The following DSCAM variants were observed in gnomAD, a reference collection of about 807,000 sequenced individuals.
DSCAM encodes DS cell adhesion molecule.
DSCAM carries 47 observed loss-of-function variants against 217.7 expected under a neutral mutation model. That is an observed-to-expected ratio of 0.22 (90% confidence interval 0.17 to 0.28). DSCAM has a LOEUF of 0.28. Ranked by LOEUF, DSCAM falls within the 10% of genes least tolerant of loss-of-function variation. DSCAM has a pLI of 1.00. For missense variants in DSCAM, 2,080 were observed against 2,618.3 expected, an observed-to-expected ratio of 0.79 and a Z score of 4.49; for synonymous variants, 1,056 against 1,015.3, an observed-to-expected ratio of 1.04 and a Z score of -0.76.
intron 3 of DSCAM, among the ~76,000 whole-genome samples, chr21:40,597,759 G>A (rs551657830): frequency 3.0e-4 from 46 of 151,980 alleles, no homozygotes; most frequent in Non-Finnish European, 6.2e-4. Context: ...TGATCCATCC[G>A]CCTCAGTCTC....
At chr21:40,407,994 A>G (rs1357997341) in intron 3 of DSCAM, among the ~76,000 whole-genome samples, 2 of 152,180 alleles carry the variant, frequency 1.3e-5, no homozygotes, top group Non-Finnish European at 2.9e-5. Context: ...TTAGCTCTTT[A>G]TAAGGCTCGC....
Position 40,639,943 on chromosome 21 carries a change from A to G in DSCAM, c.508+52867T>C, listed in dbSNP as rs1480434435. 6.6e-5 allele frequency among the ~76,000 whole-genome samples: 10 copies of G among 152,190 alleles called. No individual in the cohort carries two copies. In the East Asian group the frequency reaches 9.6e-4, roughly 15 times the overall value. ...CCATGCCTTGTTCTACACGGGCTCC[A>G]TATCGATTCATGGAAGTGCCATGTG... On this transcript the variant is annotated intron_variant, in intron 3 of 32. Transcript: ENST00000400454.
At chr21:40,670,924 CT>C (rs1393259857) in intron 3 of DSCAM, among the ~76,000 whole-genome samples, 1 of 152,188 alleles carries the variant, frequency 6.6e-6, no homozygotes. Flanking sequence ...GCCAAATGTA[CT>C]TTTGTCATAT....
At chr21:40,699,648 A>C (rs983779954) in intron 2 of DSCAM, among the ~76,000 whole-genome samples, 4 of 152,212 alleles carry the variant, frequency 2.6e-5, no homozygotes, top group African/African-American at 9.6e-5. Flanking sequence ...AGAGATGATT[A>C]AACTAGCCAC....
At chr21:40,835,456 A>G (rs900449062) in intron 1 of DSCAM, among the ~76,000 whole-genome samples, 2 of 152,186 alleles carry the variant, frequency 1.3e-5, no homozygotes, top group African/African-American at 4.8e-5. Context: ...ATAGGAAACT[A>G]TTATTGTAAA....
intron 11 of DSCAM, among the ~76,000 whole-genome samples, chr21:40,208,235 C>T (rs2146873017): frequency 6.6e-6 from 1 of 152,046 alleles, no homozygotes; most frequent in East Asian, 1.9e-4. Flanking sequence ...GGTGGATCAC[C>T]TGAGGTCAAG....
At position 40,200,600 on chromosome 21, in the gene DSCAM, G is replaced by A. The variant is rs149535577; in HGVS notation, c.2357-11362C>T. Among the ~76,000 whole-genome samples the A allele has an allele frequency of 3.9e-3, 595 of 152,282 alleles. 14 individuals carry two copies. Among genetic ancestry groups the A allele is most frequent in the Admixed American group, 0.037 (562 of 15,280 alleles). On this transcript the variant is annotated intron_variant, in intron 11 of 32. Transcript: ENST00000400454. ...CACCTTTTGGCTATTGTGAACACTG[G>A]TGTACAAAACATTATTTTTTAGAGT...
chr21:40,618,675 A>AAAG (rs1555871745), intron 3 of DSCAM: 1 of 151,588 alleles, frequency 6.6e-6, no homozygotes, highest in South Asian at 2.1e-4. Context: ...AAAAAAAAAA[A>AAAG]GTGGAGAAAC....
chr21:40,533,310 T>C (rs1478824398), intron 3 of DSCAM, among the ~76,000 whole-genome samples: 1 of 152,248 alleles, frequency 6.6e-6, no homozygotes, highest in African/African-American at 2.4e-5. Context: ...ACAAAATATT[T>C]TGCATATTCC....
chr21:40,133,464 G>C (rs2146689642), intron 19 of DSCAM, among the ~76,000 whole-genome samples: 1 of 152,290 alleles, frequency 6.6e-6, no homozygotes, highest in Middle Eastern at 3.4e-3. Flanking sequence ...TTTTCAAGAA[G>C]TGGAAGGATG....
chr21:40,104,250 T>C (rs1410681882), intron 20 of DSCAM, among the ~76,000 whole-genome samples: 1 of 152,220 alleles, frequency 6.6e-6, no homozygotes, highest in Non-Finnish European at 1.5e-5. Context: ...ACAAAAAAAC[T>C]AATTTGTTAT....
chr21:40,309,659 G>A (rs991736226), intron 9 of DSCAM, among the ~76,000 whole-genome samples: 4 of 152,082 alleles, frequency 2.6e-5, no homozygotes, highest in Admixed American at 6.6e-5. Flanking sequence ...CTTGTTATTA[G>A]GCAAAGCATG....
intron 3 of DSCAM, among the ~76,000 whole-genome samples, chr21:40,692,412 G>A (rs1421093761): frequency 1.3e-5 from 2 of 152,158 alleles, no homozygotes; most frequent in Non-Finnish European, 2.9e-5. Flanking sequence ...GCACCAAAAG[G>A]TCATGAAAAC....
chr21:40,667,269 G>A (rs912376954), intron 3 of DSCAM, among the ~76,000 whole-genome samples: 1 of 152,114 alleles, frequency 6.6e-6, no homozygotes, highest in African/African-American at 2.4e-5. Flanking sequence ...TCACCTACAA[G>A]CTGAGTTCAT....
At chr21:40,671,428 C>A (rs2090272071) in intron 3 of DSCAM, among the ~76,000 whole-genome samples, 1 of 152,116 alleles carries the variant, frequency 6.6e-6, no homozygotes. Flanking sequence ...GTAATCCCAG[C>A]AGTTTGGGAG....
At chr21:40,137,414 A>G (rs2090224602) in intron 18 of DSCAM, among the ~76,000 whole-genome samples, 1 of 152,106 alleles carries the variant, frequency 6.6e-6, no homozygotes, top group Non-Finnish European at 1.5e-5. Flanking sequence ...AAGGAAGGCT[A>G]TTTTCCTGAT....
At chr21:40,151,583 CA>C in intron 16 of DSCAM, among the ~76,000 whole-genome samples, 1 of 151,458 alleles carries the variant, frequency 6.6e-6, no homozygotes, top group East Asian at 1.9e-4. Flanking sequence ...ACATGAGATG[CA>C]AAAAAAAGAG....
intron 30 of DSCAM, 49 bp from the exon 31 acceptor site, chr21:40,044,324 C>A: frequency 6.4e-7 from 1 of 1,565,344 alleles, no homozygotes; most frequent in South Asian, 1.2e-5. Flanking sequence ...GGAGTGTGGT[C>A]AGCTGAGAGC....
chr21:40,443,698 T>G (rs2075651185), intron 3 of DSCAM, among the ~76,000 whole-genome samples: 1 of 152,190 alleles, frequency 6.6e-6, no homozygotes, highest in African/African-American at 2.4e-5. Context: ...TTTAAAAAAG[T>G]AAAGGAAAGG....
Sources: gnomAD v4.1 joint callset for allele counts (sites outside exome capture counted in the v4.1 genomes callset) on GRCh38, gnomAD v4.1.1 for gene constraint, MANE v1.5 for transcripts, NCBI Gene and HGNC (gene_info 2026-07-23, HGNC 2026-07-21) for gene names.